Variants in AXL observed in about 807,000 individuals in gnomAD.
The protein encoded by AXL is AXL receptor tyrosine kinase, also known as tyrosine-protein kinase receptor UFO.
A neutral mutation model predicts 104.5 loss-of-function variants in AXL; 52 were observed. That is an observed-to-expected ratio of 0.50 (90% confidence interval 0.40 to 0.63). AXL has a LOEUF of 0.63. Among genes scored for constraint, AXL ranks in the 20% least tolerant of loss-of-function variants. The probability of loss-of-function intolerance (pLI) is 0.00; values close to 1 mark genes in which losing one functional copy is unlikely to be tolerated. For missense variants in AXL, 1,024 were observed against 1,188.5 expected, an observed-to-expected ratio of 0.86 and a Z score of 2.04; for synonymous variants, 455 against 473.7, an observed-to-expected ratio of 0.96 and a Z score of 0.51.
At chr19:41,250,713 T>A (rs1034943014) in intron 14 of AXL, among the ~76,000 whole-genome samples, 2 of 152,082 alleles carry the variant, frequency 1.3e-5, no homozygotes, top group African/African-American at 4.8e-5. Flanking sequence ...AGTGCTGGGA[T>A]TACAGGTGTG....
chr19:41,222,734 A>G (rs1003844315), intron 4 of AXL, among the ~76,000 whole-genome samples: 7 of 151,076 alleles, frequency 4.6e-5, no homozygotes, highest in South Asian at 2.1e-4. Context: ...GTGAAACCCC[A>G]TCTCTACTAA....
At chr19:41,249,857 C>G (rs2034333592) in intron 14 of AXL, among the ~76,000 whole-genome samples, 1 of 152,142 alleles carries the variant, frequency 6.6e-6, no homozygotes, top group South Asian at 2.1e-4. Flanking sequence ...CCTGGCTTCT[C>G]CCTTTCTCCC....
Position 41,230,959 on chromosome 19 carries a change from C to T in AXL, c.587-8C>T, listed in dbSNP as rs1326736802. The T allele has an allele frequency of 6.2e-7, 1 of 1,613,494 alleles. No homozygotes were observed. On this transcript the variant is annotated splice_region_variant and splice_polypyrimidine_tract_variant and intron_variant, in intron 4 of 19. Coordinates refer to ENST00000301178, the MANE Select transcript of AXL (RefSeq NM_021913.5). ...GATATTGGACCCTTCCCTCATATGA[C>T]TCCCTAGGGCTGAACAAGACATCCT...
Position 41,231,200 on chromosome 19 carries a change from C to T in AXL, c.685C>T (p.Arg229Cys), listed in dbSNP as rs140448864. 57 of 1,613,346 alleles carry T rather than the reference C, an allele frequency of 3.5e-5. No individual in the cohort carries two copies. Among genetic ancestry groups the T allele is most frequent in the African/African-American group, 1.2e-4 (9 of 75,010 alleles). Residue 229 changes from arginine to cysteine, a missense_variant, in exon 6 of 20, where the codon CGT (arginine) becomes TGT (cysteine). Around this residue, in one of 5 missense-constraint regions of AXL, gnomAD observed 332 missense variants for 343.9 expected, o/e 0.97. Coordinates refer to ENST00000301178, the MANE Select transcript of AXL (RefSeq NM_021913.5). ...GTCCACAGTGCTCCCCCAGCAGCCC[C>T]GTAACCTCCACCTGGTCTCCCGCCA... ...ATITVLPQQP[R>C]NLHLVSRQPT...
rs1208987452 is a variant in AXL, at chr19:41,219,377, G to C, written c.-16G>C. 2.5e-6 allele frequency: 4 copies of C among 1,580,428 alleles called. No homozygotes were observed. Among genetic ancestry groups the C allele is most frequent in the Non-Finnish European group, 3.4e-6 (4 of 1,163,520 alleles). Reference sequence around the variant, plus strand: ...CCGCTGGGAGCCCAACAACTTCTGAGGAAAGTTTGGCACCCATGGCGTGGC... The same window carrying C: ...CCGCTGGGAGCCCAACAACTTCTGACGAAAGTTTGGCACCCATGGCGTGGC... On this transcript the variant is annotated 5_prime_UTR_variant, in exon 1 of 20. Transcript: ENST00000301178.
Position 41,219,327 on chromosome 19 carries a change from G to A in AXL, c.-66G>A, listed in dbSNP as rs2033741005. The A allele has an allele frequency of 6.8e-7, 1 of 1,481,396 alleles. No homozygotes were observed. Among genetic ancestry groups the A allele is most frequent in the Non-Finnish European group, 9.1e-7 (1 of 1,095,564 alleles). 91.8% of individuals were successfully genotyped at this position (1,481,396 alleles called of 1,614,324 possible). The stretch of plus-strand genomic sequence containing the variant: ...AGCCTGGAGCTGGGGGGAGGGCCGG[G>A]GACAGCCCGGCCCTGCCCCCTCCCC... On this transcript the variant is annotated 5_prime_UTR_variant, in exon 1 of 20. Transcript: ENST00000301178.
At chr19:41,242,813 C>T in intron 10 of AXL, 70 bp from the exon 11 acceptor site, 2 of 1,592,650 alleles carry the variant, frequency 1.3e-6, no homozygotes, top group Non-Finnish European at 1.7e-6. Flanking sequence ...CCTCCCACAT[C>T]ACCCCTTTGG....
intron 4 of AXL, among the ~76,000 whole-genome samples, chr19:41,225,211 G>C (rs2033858220): frequency 6.6e-6 from 1 of 151,976 alleles, no homozygotes; most frequent in African/African-American, 2.4e-5. Context: ...TGTCATGTTG[G>C]CCAGGCTGGT....
At chr19:41,248,488 T>A (rs775507371) in intron 12 of AXL, 26 bp from the exon 13 acceptor site, 1 of 1,611,516 alleles carries the variant, frequency 6.2e-7, no homozygotes, top group Non-Finnish European at 8.5e-7. Context: ...GCTCCATGAC[T>A]CTGTCCACCC....
In AXL at chr19:41,259,857, G is replaced by A. The variant is rs201717829; in HGVS notation, c.2638G>A (p.Ala880Thr). The part of the protein sequence containing the change: ...PSTTPSPAQP[A>T]DRGSPAAPGQ... ...CACAACCCCTAGCCCCGCTCAGCCT[G>A]CTGATAGGGGCTCCCCAGCAGCCCC... The change falls in exon 20 of 20, where the codon GCT (alanine) becomes ACT (threonine). Residue 880 changes from alanine to threonine, a missense_variant. By Grantham distance (58) the Ala-to-Thr change is moderately conservative. This residue lies in a region of AXL where 523 missense variants were observed against 636.0 expected (regional missense o/e 0.82). Coordinates refer to ENST00000301178, the MANE Select transcript of AXL (RefSeq NM_021913.5). 1.9e-6 allele frequency: 3 copies of A among 1,605,596 alleles called. No individual in the cohort carries two copies. In the Admixed American group the frequency reaches 5.1e-5, roughly 27 times the overall value.
chr19:41,259,589 C>T lies in AXL; in HGVS notation c.2370C>T (p.Pro790=). The T allele has an allele frequency of 6.2e-7, 1 of 1,612,586 alleles. No individual in the cohort carries two copies. The highest frequency in any genetic ancestry group is 1.1e-5 in the South Asian group (1 of 90,842). ...ALMSRCWELN[P]QDRPSFTELR... Reference sequence around the variant, plus strand: ...TGTCGCGGTGCTGGGAGCTAAATCCCCAGGACCGGCCAAGTTTTACAGAGC... The same window carrying T: ...TGTCGCGGTGCTGGGAGCTAAATCCTCAGGACCGGCCAAGTTTTACAGAGC... The change falls in exon 20 of 20, where the codon CCC becomes CCT. Residue 790 remains proline (P), a synonymous_variant. Transcript: ENST00000301178.
intron 18 of AXL, 111 bp downstream of exon 18, chr19:41,256,722 C>T: frequency 7.0e-7 from 1 of 1,431,252 alleles, no homozygotes. Context: ...TGTGGGCTTC[C>T]CTTTGCAGGG....
chr19:41,230,498 G>A (rs2033962397), intron 4 of AXL, among the ~76,000 whole-genome samples: 1 of 150,958 alleles, frequency 6.6e-6, no homozygotes, highest in African/African-American at 2.4e-5. Flanking sequence ...GTGTATGCCT[G>A]TGCCTGTGTG....
Position 41,239,693 on chromosome 19 carries a change from G to A in AXL, c.1286-1G>A. On this transcript the variant is annotated splice_acceptor_variant, in intron 9 of 19. Transcript: ENST00000301178. LOFTEE classifies it high-confidence loss of function. ...CTCCTCTCTGTCCTTTCTTCTCACA[G>A]GGCAAGCACAGCCAGTCCACCAGCT... The A allele has an allele frequency of 6.2e-7, 1 of 1,614,136 alleles. No homozygotes were observed. The highest frequency in any genetic ancestry group is 1.6e-4 in the Middle Eastern group (1 of 6,062).
chr19:41,222,366 A>G (rs1188473746), intron 4 of AXL, among the ~76,000 whole-genome samples: 1 of 152,074 alleles, frequency 6.6e-6, no homozygotes, highest in African/African-American at 2.4e-5. Flanking sequence ...CTCTCTGAAT[A>G]GAATTCTTTG....
In AXL at chr19:41,260,011, G is replaced by C; in HGVS notation, c.*107G>C. On this transcript the variant is annotated 3_prime_UTR_variant, in exon 20 of 20. Coordinates refer to ENST00000301178, the MANE Select transcript of AXL (RefSeq NM_021913.5). ...ACCCCACGCCTTATCCCCACTTGCAGCCCTGTCTTCCTACCTATCCCACCT... is the reference window on the plus strand; with the variant it reads ...ACCCCACGCCTTATCCCCACTTGCACCCCTGTCTTCCTACCTATCCCACCT... 9.4e-7 allele frequency: 1 copy of C among 1,061,100 alleles called. No individual in the cohort carries two copies. Among genetic ancestry groups the C allele is most frequent in the South Asian group, 1.7e-5 (1 of 58,946 alleles). 65.7% of individuals were successfully genotyped at this position (1,061,100 alleles called of 1,614,324 possible).
chr19:41,246,730 A>C (rs4803451), intron 12 of AXL, among the ~76,000 whole-genome samples: 55,770 of 151,732 alleles, frequency 0.37, 11,081 homozygotes, highest in African/African-American at 0.52. Flanking sequence ...AAATTTTTTT[A>C]TTTTTTTAGA....
chr19:41,260,720 A>G lies in AXL; in HGVS notation c.*816A>G, dbSNP rs2034526271. On this transcript the variant is annotated 3_prime_UTR_variant, in exon 20 of 20. Transcript: ENST00000301178. The stretch of plus-strand genomic sequence containing the variant: ...TAGGTTCTAAAGTTCTAAGATTCTG[A>G]TTTTAGGAGCTAAGGCTCTATGAGT... 6.6e-6 allele frequency: 1 copy of G among 152,184 alleles called. No homozygotes were observed. The highest frequency in any genetic ancestry group is 2.1e-4 in the South Asian group (1 of 4,828). 9.4% of individuals were successfully genotyped at this position (152,184 alleles called of 1,614,324 possible). A position where few individuals can be genotyped will look rare whatever the true frequency, so the allele number is the denominator to read the frequency against.
In AXL at chr19:41,222,053, C is replaced by T; in HGVS notation, c.583C>T (p.Pro195Ser). Reference protein sequence around the residue: ...GHGPQRSLHVPGLNKTSSFSC... With the variant: ...GHGPQRSLHVSGLNKTSSFSC... ...CGGCCCCCAGCGCAGCCTGCATGTT[C>T]CAGGTGAGTCCGGGGATGTGGGTCA... Residue 195 changes from proline to serine, a missense_variant, in exon 4 of 20, where the codon CCA (proline) becomes TCA (serine). Transcript: ENST00000301178. The T allele has an allele frequency of 6.4e-7, 1 of 1,562,384 alleles. No individual in the cohort carries two copies. The highest frequency in any genetic ancestry group is 1.4e-5 in the African/African-American group (1 of 73,334).
Sources: allele counts gnomAD v4.1 joint callset (sites outside exome capture counted in the v4.1 genomes callset), GRCh38; gene constraint gnomAD v4.1.1; regional missense constraint gnomAD v4.1.1; transcripts MANE v1.5; gene names NCBI Gene and HGNC (gene_info 2026-07-23, HGNC 2026-07-21).